The following NBEA variants were observed in gnomAD, a reference collection of about 807,000 sequenced individuals.
NBEA encodes lysosomal-trafficking regulator 2.
In NBEA, 44 loss-of-function variants were observed where a neutral mutation model predicts 343.4. The observed-to-expected ratio is 0.13, with a 90% CI of 0.10 to 0.16. The LOEUF is 0.16. Ranked by LOEUF, NBEA falls within the 10% of genes least tolerant of loss-of-function variation. The probability of loss-of-function intolerance (pLI) is 1.00; values close to 1 mark genes in which losing one functional copy is unlikely to be tolerated. For missense variants in NBEA, 2,555 were observed against 3,631.3 expected, an observed-to-expected ratio of 0.70 and a Z score of 7.62; for synonymous variants, 1,175 against 1,238.7, an observed-to-expected ratio of 0.95 and a Z score of 1.08.
chr13:35,198,766 G>A (rs1352088746), intron 31 of NBEA, among the ~76,000 whole-genome samples: 3 of 151,628 alleles, frequency 2.0e-5, no homozygotes, highest in Middle Eastern at 3.2e-3. Flanking sequence ...TGAAAGGAGG[G>A]GATTGAGGTC....
intron 41 of NBEA, among the ~76,000 whole-genome samples, chr13:35,484,474 C>T (rs9600832): frequency 0.11 from 17,153 of 151,706 alleles, 1,229 homozygotes; most frequent in Non-Finnish European, 0.15. Context: ...TTTTGCTCTC[C>T]ACGCTGCATT....
At chr13:35,189,555 AAG>A (rs1156792005) in intron 30 of NBEA, among the ~76,000 whole-genome samples, 2 of 152,004 alleles carry the variant, frequency 1.3e-5, no homozygotes, top group African/African-American at 2.4e-5. Context: ...GAAAAGGAAA[AAG>A]AGTAAAAACA....
At chr13:35,068,411 G>A (rs1244911056) in intron 8 of NBEA, among the ~76,000 whole-genome samples, 2 of 152,112 alleles carry the variant, frequency 1.3e-5, no homozygotes, top group Non-Finnish European at 2.9e-5. Flanking sequence ...CTAGACAATG[G>A]GATGTACAAA....
chr13:35,107,930 G>A (rs954157583), intron 11 of NBEA, among the ~76,000 whole-genome samples: 2 of 151,978 alleles, frequency 1.3e-5, no homozygotes, highest in Non-Finnish European at 2.9e-5. Flanking sequence ...AATCTTTATT[G>A]TCTCCTACTC....
chr13:35,083,133 A>G (rs916262441), intron 10 of NBEA, among the ~76,000 whole-genome samples: 2 of 152,212 alleles, frequency 1.3e-5, no homozygotes, highest in South Asian at 2.1e-4. Flanking sequence ...AGCTCTGTAC[A>G]TATGGCTAGC....
intron 41 of NBEA, among the ~76,000 whole-genome samples, chr13:35,498,982 A>G (rs1448917894): frequency 3.9e-5 from 6 of 152,106 alleles, no homozygotes; most frequent in Non-Finnish European, 7.4e-5. Context: ...CACACCAGGC[A>G]ATTGAAGAAT....
intron 8 of NBEA, among the ~76,000 whole-genome samples, chr13:35,063,291 G>A (rs1006376245): frequency 1.3e-5 from 2 of 151,962 alleles, no homozygotes; most frequent in African/African-American, 4.8e-5. Context: ...GAAGTAGGGT[G>A]TGCAGTATCA....
At chr13:35,623,579 G>A (rs2083091244) in intron 48 of NBEA, among the ~76,000 whole-genome samples, 1 of 151,928 alleles carries the variant, frequency 6.6e-6, no homozygotes, top group African/African-American at 2.4e-5. Flanking sequence ...ATTATTTATT[G>A]ATTCACTATG....
At chr13:35,241,202 T>C (rs2030211105) in intron 34 of NBEA, among the ~76,000 whole-genome samples, 1 of 151,844 alleles carries the variant, frequency 6.6e-6, no homozygotes, top group East Asian at 1.9e-4. Flanking sequence ...AACAAGCTAT[T>C]ATAGTTAAAA....
In NBEA at chr13:35,671,465, A is replaced by T. The variant is rs1329471543; in HGVS notation, c.*474A>T. 1 of 154,254 alleles carries T rather than the reference A, an allele frequency of 6.5e-6. No homozygotes were observed. The highest frequency in any genetic ancestry group is 1.4e-5 in the Non-Finnish European group (1 of 69,210). 9.6% of individuals were successfully genotyped at this position (154,254 alleles called of 1,614,324 possible). ...TTAAAAGGGATACTTTTGTAAAAGTAAAACCTTGTATAAAGAACAAAATGT... is the reference window on the plus strand; with the variant it reads ...TTAAAAGGGATACTTTTGTAAAAGTTAAACCTTGTATAAAGAACAAAATGT... On this transcript the variant is annotated 3_prime_UTR_variant, in exon 59 of 59. Transcript: ENST00000379939.
At chr13:35,379,617 G>A (rs2041911708) in intron 38 of NBEA, among the ~76,000 whole-genome samples, 1 of 151,222 alleles carries the variant, frequency 6.6e-6, no homozygotes, top group Non-Finnish European at 1.5e-5. Context: ...GTTCTCTTAG[G>A]TTTTCTTCCA....
At chr13:34,982,798 T>G (rs1272766699) in intron 1 of NBEA, among the ~76,000 whole-genome samples, 1 of 152,220 alleles carries the variant, frequency 6.6e-6, no homozygotes, top group Non-Finnish European at 1.5e-5. Context: ...AAGTTAATTA[T>G]AGTGTTGTTC....
At chr13:35,213,441 A>G (rs1313201361) in intron 33 of NBEA, among the ~76,000 whole-genome samples, 1 of 151,682 alleles carries the variant, frequency 6.6e-6, no homozygotes, top group East Asian at 1.9e-4. Flanking sequence ...CTTTGCATTT[A>G]CATTTATATT....
Position 35,655,598 on chromosome 13 carries a change from A to G in NBEA, c.8211A>G (p.Val2737=), listed in dbSNP as rs773408261. The G allele has an allele frequency of 5.1e-5, 82 of 1,613,506 alleles. No individual in the cohort carries two copies. In the Admixed American group the frequency reaches 1.4e-3, roughly 27 times the overall value. Residue 2737 remains valine (V), a synonymous_variant, in exon 55 of 59, where the codon GTA becomes GTG. Transcript: ENST00000379939. The part of the protein sequence containing the change: ...STETGKLTQI[V]FGHWDVVTCL... ...TTGCAGGGAAATTGACTCAGATTGT[A>G]TTTGGCCATTGGGATGTGGTCACTT...
intron 38 of NBEA, among the ~76,000 whole-genome samples, chr13:35,408,999 A>G (rs2043429021): frequency 6.6e-6 from 1 of 152,204 alleles, no homozygotes; most frequent in Admixed American, 6.5e-5. Context: ...TACTGGGTAT[A>G]TACCCAAAGG....
At position 35,196,271 on chromosome 13, in the gene NBEA, A is replaced by C. The variant is rs748075146; in HGVS notation, c.5335A>C (p.Ile1779Leu). 1.9e-6 allele frequency: 3 copies of C among 1,613,274 alleles called. No homozygotes were observed. Among genetic ancestry groups the C allele is most frequent in the Non-Finnish European group, 2.5e-6 (3 of 1,179,588 alleles). ...AGCATTGAAGAGAGAAACACAAGCT[A>C]TTCTTCCTATGCAGTTTCATTCCTT... ...DPALKRETQA[I>L]LPMQFHSFDR... The change falls in exon 31 of 59, where the codon ATT becomes CTT. Residue 1779 changes from isoleucine (I) to leucine (L), a missense_variant. Physicochemically the swap from Ile to Leu is conservative, Grantham distance 5. This residue lies in a region of NBEA where 270 missense variants were observed against 293.3 expected (regional missense o/e 0.92). Transcript: ENST00000379939.
intron 38 of NBEA, among the ~76,000 whole-genome samples, chr13:35,425,595 G>C (rs1292325553): frequency 2.0e-5 from 3 of 152,170 alleles, no homozygotes; most frequent in African/African-American, 7.2e-5. Context: ...AATAGGTGTG[G>C]TGTGGTGCTG....
At chr13:35,199,738 G>GACAC (rs2072883592) in intron 31 of NBEA, among the ~76,000 whole-genome samples, 1 of 152,020 alleles carries the variant, frequency 6.6e-6, no homozygotes. Flanking sequence ...GTGTTTTGAA[G>GACAC]TTTATAATAA....
chr13:34,976,188 C>CAATG (rs2060168005), intron 1 of NBEA, among the ~76,000 whole-genome samples: 1 of 152,124 alleles, frequency 6.6e-6, no homozygotes, highest in Non-Finnish European at 1.5e-5. Context: ...GCCCATCAAC[C>CAATG]AATGAGTGGA....
Sources: allele counts gnomAD v4.1 joint callset (sites outside exome capture counted in the v4.1 genomes callset), GRCh38; gene constraint gnomAD v4.1.1; regional missense constraint gnomAD v4.1.1; transcripts MANE v1.5; gene names NCBI Gene and HGNC (gene_info 2026-07-23, HGNC 2026-07-21).